SLC2A13: variants seen among roughly 807,000 people sequenced by gnomAD.
SLC2A13 encodes proton myo-inositol cotransporter.
In SLC2A13, 32 loss-of-function variants were observed where a neutral mutation model predicts 64.4. The observed-to-expected ratio is 0.50, with a 90% CI of 0.37 to 0.67. The LOEUF (loss-of-function observed/expected upper bound fraction) is 0.67. Ranked by LOEUF, SLC2A13 falls within the 30% of genes least tolerant of loss-of-function variation. The pLI is 0.00. For synonymous variants in SLC2A13, 338 were observed against 327.1 expected (o/e 1.03, Z -0.36); for missense variants, 743 against 829.2 (o/e 0.90, Z 1.28).
intron 1 of SLC2A13, among the ~76,000 whole-genome samples, chr12:40,066,725 A>G (rs7971218): frequency 0.23 from 34,306 of 152,150 alleles, 4,549 homozygotes; most frequent in East Asian, 0.49. Flanking sequence ...GTTCATTCAT[A>G]AGAGGCGGAA....
At chr12:40,043,292 G>A (rs1339757322) in intron 2 of SLC2A13, among the ~76,000 whole-genome samples, 1 of 152,098 alleles carries the variant, frequency 6.6e-6, no homozygotes, top group Non-Finnish European at 1.5e-5. Flanking sequence ...TGCTTGAAGT[G>A]TAGTGAGTAA....
chr12:39,876,978 C>T (rs1043238163), intron 4 of SLC2A13, among the ~76,000 whole-genome samples: 3 of 152,190 alleles, frequency 2.0e-5, no homozygotes, highest in South Asian at 4.2e-4. Context: ...TGTTCTTTAG[C>T]TCTTTTAGTT....
intron 7 of SLC2A13, among the ~76,000 whole-genome samples, chr12:39,786,031 G>A (rs1004034797): frequency 2.6e-5 from 4 of 152,158 alleles, no homozygotes; most frequent in African/African-American, 4.8e-5. Flanking sequence ...GGACTTTTGA[G>A]TTAATGCTGA....
chr12:39,782,692 G>C (rs1226427569), intron 7 of SLC2A13, among the ~76,000 whole-genome samples: 1 of 152,086 alleles, frequency 6.6e-6, no homozygotes, highest in Non-Finnish European at 1.5e-5. Flanking sequence ...GGAACAGTTT[G>C]GAGGGATCAA....
At chr12:39,915,442 C>T (rs755702521) in intron 4 of SLC2A13, among the ~76,000 whole-genome samples, 10 of 151,882 alleles carry the variant, frequency 6.6e-5, no homozygotes, top group Non-Finnish European at 1.3e-4. Flanking sequence ...ATAGAAACAC[C>T]CTCAGCAGGA....
chr12:39,843,910 T>A (rs79307770), intron 6 of SLC2A13, among the ~76,000 whole-genome samples: 3 of 152,062 alleles, frequency 2.0e-5, no homozygotes, highest in East Asian at 3.9e-4. Context: ...TACTGGCACA[T>A]GTCTTAAGTT....
intron 4 of SLC2A13, among the ~76,000 whole-genome samples, chr12:39,926,240 T>C (rs1360748496): frequency 6.6e-6 from 1 of 152,126 alleles, no homozygotes; most frequent in Admixed American, 6.6e-5. Context: ...TATAATATCT[T>C]ATAAAAGGGT....
At chr12:40,063,674 C>T (rs997600622) in intron 1 of SLC2A13, among the ~76,000 whole-genome samples, 5 of 152,016 alleles carry the variant, frequency 3.3e-5, no homozygotes, top group Admixed American at 1.3e-4. Context: ...ATGACCAAGC[C>T]GGGGCTATTT....
At chr12:39,937,544 C>G (rs1342317300) in intron 4 of SLC2A13, among the ~76,000 whole-genome samples, 1 of 152,172 alleles carries the variant, frequency 6.6e-6, no homozygotes, top group African/African-American at 2.4e-5. Context: ...ACAGCACCTC[C>G]ATTTCTTCTC....
At chr12:40,062,153 A>G (rs1166410660) in intron 1 of SLC2A13, among the ~76,000 whole-genome samples, 1 of 152,126 alleles carries the variant, frequency 6.6e-6, no homozygotes, top group Non-Finnish European at 1.5e-5. Flanking sequence ...TACAAAAGTC[A>G]ATTGTTAAAA....
chr12:39,896,252 GTATGTA>G (rs1565527629), intron 4 of SLC2A13, among the ~76,000 whole-genome samples: 1 of 84,404 alleles, frequency 1.2e-5, no homozygotes, highest in African/African-American at 4.5e-5. Context: ...ATGTATACAT[GTATGTA>G]TATGTGTGTA....
chr12:39,776,283 C>T (rs1263155902), intron 7 of SLC2A13, among the ~76,000 whole-genome samples: 1 of 152,240 alleles, frequency 6.6e-6, no homozygotes, highest in Non-Finnish European at 1.5e-5. Flanking sequence ...ACTGCTTCCC[C>T]GCTTAGGAGC....
At chr12:40,025,559 C>A (rs1304262821) in intron 3 of SLC2A13, among the ~76,000 whole-genome samples, 4 of 152,184 alleles carry the variant, frequency 2.6e-5, no homozygotes, top group African/African-American at 9.7e-5. Context: ...AAGCTCAATG[C>A]GAACAGGTAT....
chr12:39,865,376 T>C (rs1288291199), intron 5 of SLC2A13, among the ~76,000 whole-genome samples: 1 of 152,200 alleles, frequency 6.6e-6, no homozygotes, highest in Non-Finnish European at 1.5e-5. Flanking sequence ...TCTAAAGCAG[T>C]TGAAAGAGCA....
intron 6 of SLC2A13, among the ~76,000 whole-genome samples, chr12:39,840,742 T>A (rs1381642988): frequency 2.0e-5 from 3 of 152,032 alleles, no homozygotes. Context: ...ATTCCATGAT[T>A]TCTTAACAGC....
intron 4 of SLC2A13, among the ~76,000 whole-genome samples, chr12:39,877,537 T>C (rs1398732052): frequency 6.6e-6 from 1 of 152,212 alleles, no homozygotes; most frequent in East Asian, 1.9e-4. Flanking sequence ...TCCACTTAAA[T>C]GTTAGTTCCA....
At chr12:39,884,845 T>G (rs1944431496) in intron 4 of SLC2A13, among the ~76,000 whole-genome samples, 2 of 152,186 alleles carry the variant, frequency 1.3e-5, no homozygotes, top group African/African-American at 4.8e-5. Context: ...GGCAAGGAAT[T>G]CAAGATGCAA....
chr12:39,961,201 C>A (rs1039897322), intron 3 of SLC2A13, among the ~76,000 whole-genome samples: 1 of 151,996 alleles, frequency 6.6e-6, no homozygotes, highest in Non-Finnish European at 1.5e-5. Context: ...CCTCAGCCTC[C>A]CAACTAGCTG....
At chr12:39,993,131 A>T (rs1292263534) in intron 3 of SLC2A13, among the ~76,000 whole-genome samples, 1 of 152,228 alleles carries the variant, frequency 6.6e-6, no homozygotes, top group Non-Finnish European at 1.5e-5. Context: ...GAGGAATAAT[A>T]TTGTAATAAA....
Sources: allele counts gnomAD v4.1 joint callset (sites outside exome capture counted in the v4.1 genomes callset), GRCh38; gene constraint gnomAD v4.1.1; transcripts MANE v1.5; gene names NCBI Gene and HGNC (gene_info 2026-07-23, HGNC 2026-07-21).